The following GMDS variants were observed in gnomAD, a reference collection of about 807,000 sequenced individuals.
The protein encoded by GMDS is GDP-mannose 4,6 dehydratase.
A neutral mutation model predicts 49.9 loss-of-function variants in GMDS; 20 were observed. That is an observed-to-expected ratio of 0.40 (90% CI 0.28 to 0.58). The LOEUF (loss-of-function observed/expected upper bound fraction) is 0.58, where lower values mean the gene tolerates loss of function less well. Ranked by LOEUF, GMDS falls within the 20% of genes least tolerant of loss-of-function variation. The pLI, the probability that GMDS is intolerant of heterozygous loss-of-function variation, is 0.42. For synonymous variants in GMDS, 177 were observed against 178.6 expected (o/e 0.99, Z 0.07); for missense variants, 362 against 481.4 (o/e 0.75, Z 2.32).
chr6:1,815,765 A>C (rs1022028812), intron 7 of GMDS, among the ~76,000 whole-genome samples: 1 of 152,218 alleles, frequency 6.6e-6, no homozygotes, highest in African/African-American at 2.4e-5. Context: ...CACAAGAAGA[A>C]GGCCAAGACA....
chr6:1,992,441 T>C (rs1489950220), intron 4 of GMDS, among the ~76,000 whole-genome samples: 1 of 152,186 alleles, frequency 6.6e-6, no homozygotes, highest in Non-Finnish European at 1.5e-5. Context: ...CCAATCCTCT[T>C]GCCTATTCAC....
intron 9 of GMDS, among the ~76,000 whole-genome samples, chr6:1,668,825 C>T (rs904768478): frequency 1.3e-5 from 2 of 152,196 alleles, no homozygotes; most frequent in African/African-American, 2.4e-5. Context: ...AATAAACTTT[C>T]TTGAAATATG....
intron 4 of GMDS, among the ~76,000 whole-genome samples, chr6:2,091,871 G>T (rs1446826471): frequency 6.6e-6 from 1 of 151,678 alleles, no homozygotes; most frequent in Non-Finnish European, 1.5e-5. Context: ...ACTCCAACCT[G>T]GGCGACAGAG....
At chr6:1,690,942 A>C (rs1438068649) in intron 9 of GMDS, among the ~76,000 whole-genome samples, 3 of 152,228 alleles carry the variant, frequency 2.0e-5, no homozygotes, top group Non-Finnish European at 4.4e-5. Flanking sequence ...ATTGTGGATG[A>C]CAGTGTGGCA....
intron 1 of GMDS, among the ~76,000 whole-genome samples, chr6:2,227,107 T>C (rs1780849262): frequency 6.6e-6 from 1 of 152,144 alleles, no homozygotes; most frequent in Non-Finnish European, 1.5e-5. Flanking sequence ...CTTTATATCC[T>C]CCTATACTTC....
At chr6:1,895,513 G>A (rs1420359287) in intron 7 of GMDS, among the ~76,000 whole-genome samples, 2 of 152,168 alleles carry the variant, frequency 1.3e-5, no homozygotes, top group Non-Finnish European at 2.9e-5. Context: ...AGCTCTTCAT[G>A]TGCATAGGCC....
chr6:2,077,695 C>T (rs1044418048), intron 4 of GMDS, among the ~76,000 whole-genome samples: 15 of 151,950 alleles, frequency 9.9e-5, no homozygotes, highest in South Asian at 2.1e-4. Context: ...AGTATTCTGT[C>T]GAGGATTTTT....
intron 7 of GMDS, among the ~76,000 whole-genome samples, chr6:1,913,334 TCCTGCCACTGCACTCCAGC>T (rs1761173443): frequency 7.6e-6 from 1 of 131,640 alleles, no homozygotes; most frequent in South Asian, 2.3e-4. Context: ...TGAGCCGAGA[TCCTGCCACTGCACTCCAGC>T]CTGGGCGACA....
intron 1 of GMDS, among the ~76,000 whole-genome samples, chr6:2,140,824 G>A (rs1333661398): frequency 6.6e-6 from 1 of 152,190 alleles, no homozygotes; most frequent in African/African-American, 2.4e-5. Context: ...AGGACCCTGT[G>A]ACCCTGGATT....
At chr6:1,699,104 T>C (rs539475545) in intron 9 of GMDS, among the ~76,000 whole-genome samples, 2 of 152,284 alleles carry the variant, frequency 1.3e-5, no homozygotes, top group South Asian at 4.1e-4. Flanking sequence ...GAACAGCACA[T>C]GCCTACACTG....
chr6:1,989,092 T>G lies in GMDS; in HGVS notation c.346-28126A>C, dbSNP rs551350952. ...TGGGAACGGAGAACGTTGACACAAG[T>G]TTATTCCACATGACAGAACTGGCAT... On this transcript the variant is annotated intron_variant, in intron 4 of 10. Transcript: ENST00000380815. Among the ~76,000 whole-genome samples the G allele has an allele frequency of 3.9e-5, 6 of 152,294 alleles. No homozygotes were observed. In the South Asian group the frequency reaches 1.2e-3, roughly 32 times the overall value.
At chr6:2,018,019 T>C (rs1279678766) in intron 4 of GMDS, among the ~76,000 whole-genome samples, 1 of 152,194 alleles carries the variant, frequency 6.6e-6, no homozygotes, top group Non-Finnish European at 1.5e-5. Flanking sequence ...TTCAACTTAA[T>C]TCAAAATATT....
At chr6:2,213,759 G>A (rs60802170) in intron 1 of GMDS, among the ~76,000 whole-genome samples, 3 of 152,074 alleles carry the variant, frequency 2.0e-5, no homozygotes, top group African/African-American at 7.2e-5. Context: ...ATAGGAGGAC[G>A]AAGGCTAGAA....
At chr6:1,971,131 A>C (rs1764586727) in intron 4 of GMDS, among the ~76,000 whole-genome samples, 1 of 152,160 alleles carries the variant, frequency 6.6e-6, no homozygotes, top group Non-Finnish European at 1.5e-5. Flanking sequence ...ATATTTATGT[A>C]ATGTAAGTAG....
At chr6:2,134,677 T>C (rs1775906313) in intron 1 of GMDS, among the ~76,000 whole-genome samples, 1 of 152,242 alleles carries the variant, frequency 6.6e-6, no homozygotes, top group South Asian at 2.1e-4. Flanking sequence ...TTCCCAGCTA[T>C]TCTCTCCTAA....
At chr6:1,879,236 A>T (rs1759246950) in intron 7 of GMDS, among the ~76,000 whole-genome samples, 1 of 152,272 alleles carries the variant, frequency 6.6e-6, no homozygotes, top group African/African-American at 2.4e-5. Flanking sequence ...TTGGGTATAA[A>T]ATACAGCAAA....
intron 9 of GMDS, among the ~76,000 whole-genome samples, chr6:1,644,195 C>A (rs557780386): frequency 6.6e-6 from 1 of 152,244 alleles, no homozygotes; most frequent in Admixed American, 6.5e-5. Flanking sequence ...CAGGGACCCA[C>A]GCGGGGAGGG....
At chr6:1,660,832 C>CTT (rs1259439991) in intron 9 of GMDS, among the ~76,000 whole-genome samples, 1 of 148,844 alleles carries the variant, frequency 6.7e-6, no homozygotes, top group Non-Finnish European at 1.5e-5. Flanking sequence ...GACCTGGAGT[C>CTT]TTTGAGAGCT....
intron 9 of GMDS, among the ~76,000 whole-genome samples, chr6:1,675,125 C>T (rs945188238): frequency 5.3e-5 from 8 of 151,670 alleles, no homozygotes; most frequent in Admixed American, 1.3e-4. Context: ...TTAGTAGAGA[C>T]GGAGTTTCTC....
Sources: gnomAD v4.1 joint callset for allele counts (sites outside exome capture counted in the v4.1 genomes callset) on GRCh38, gnomAD v4.1.1 for gene constraint, MANE v1.5 for transcripts, NCBI Gene and HGNC (gene_info 2026-07-23, HGNC 2026-07-21) for gene names.